The following CEMIP2 variants were observed in gnomAD, a reference collection of about 807,000 sequenced individuals.
CEMIP2 encodes the protein cell migration inducing hyaluronidase 2, also known as cell surface hyaluronidase CEMIP2.
In CEMIP2, 79 loss-of-function variants were observed where a neutral mutation model predicts 146.9. That is an observed-to-expected ratio of 0.54 (90% confidence interval 0.45 to 0.65). The LOEUF (loss-of-function observed/expected upper bound fraction) is 0.65, where lower values mean the gene tolerates loss of function less well. Among genes scored for constraint, CEMIP2 ranks in the 30% least tolerant of loss-of-function variants. The pLI is 0.00. For missense variants in CEMIP2, 1,596 were observed against 1,696.2 expected, an observed-to-expected ratio of 0.94 and a Z score of 1.04; for synonymous variants, 601 against 606.3, an observed-to-expected ratio of 0.99 and a Z score of 0.13.
At chr9:71,741,171 G>A (rs926508363) in intron 4 of CEMIP2, among the ~76,000 whole-genome samples, 9 of 144,754 alleles carry the variant, frequency 6.2e-5, no homozygotes, top group Admixed American at 1.4e-4. Flanking sequence ...AGGCAAGGTT[G>A]AGAACTGAGT....
rs773848769 is a variant in CEMIP2 at position 71,732,473 on chromosome 9, T to G, written c.1441A>C (p.Met481Leu). 30 of 1,613,832 alleles carry G rather than the reference T, an allele frequency of 1.9e-5. No individual in the cohort carries two copies. Among genetic ancestry groups the G allele is most frequent in the Non-Finnish European group, 2.5e-5 (29 of 1,179,992 alleles). ...HMGEIIDGVDMRAEVGILTRN... is the reference protein window; with the variant it reads ...HMGEIIDGVDLRAEVGILTRN... ...GTAAGAATTCCAACCTCAGCTCTCATGTCTACACCGTCTATGATCTCACCC... is the reference window on the plus strand; with the variant it reads ...GTAAGAATTCCAACCTCAGCTCTCAGGTCTACACCGTCTATGATCTCACCC... The change falls in exon 7 of 24, where the codon ATG becomes CTG. Residue 481 changes from methionine (M) to leucine (L), a missense_variant. Met to Leu is a conservative substitution (Grantham distance 15). Transcript: ENST00000377044.
At chr9:71,721,230 C>A (rs1823222349) in intron 12 of CEMIP2, among the ~76,000 whole-genome samples, 1 of 152,096 alleles carries the variant, frequency 6.6e-6, no homozygotes, top group Non-Finnish European at 1.5e-5. Flanking sequence ...TTATAATAAA[C>A]TCTTCAAAGC....
intron 11 of CEMIP2, among the ~76,000 whole-genome samples, chr9:71,723,295 A>G (rs1205372724): frequency 6.6e-6 from 1 of 152,080 alleles, no homozygotes; most frequent in Admixed American, 6.6e-5. Context: ...ATTGTAACCA[A>G]CTGCAAGTTA....
intron 1 of CEMIP2, among the ~76,000 whole-genome samples, chr9:71,764,960 AG>A (rs1824746313): frequency 6.7e-6 from 1 of 149,428 alleles, no homozygotes; most frequent in Non-Finnish European, 1.5e-5. Context: ...ATATTGAGAG[AG>A]AGGAAAACAG....
intron 10 of CEMIP2, among the ~76,000 whole-genome samples, chr9:71,727,471 T>C (rs1051023547): frequency 2.8e-4 from 43 of 152,296 alleles, no homozygotes; most frequent in Admixed American, 5.2e-4. Context: ...CCCTGTCAAA[T>C]AGAATCTTCA....
intron 1 of CEMIP2, among the ~76,000 whole-genome samples, chr9:71,767,223 A>G (rs1320520014): frequency 6.6e-6 from 1 of 152,180 alleles, no homozygotes; most frequent in Non-Finnish European, 1.5e-5. Flanking sequence ...GCCATTTCCA[A>G]CAGATTTGCC....
At chr9:71,686,122 G>T in intron 22 of CEMIP2, 1 of 319,998 alleles carries the variant, frequency 3.1e-6, no homozygotes, top group Admixed American at 4.5e-5. Context: ...CCTGGGCCAT[G>T]GATGGGTACC....
intron 18 of CEMIP2, 73 bp from the exon 19 acceptor site, chr9:71,700,897 A>G: frequency 1.5e-6 from 2 of 1,339,954 alleles, no homozygotes; most frequent in Non-Finnish European, 2.0e-6. Flanking sequence ...GCGTATGCAG[A>G]TAACTGTCCT....
chr9:71,719,397 A>G (rs1823164027), intron 12 of CEMIP2, among the ~76,000 whole-genome samples: 1 of 152,200 alleles, frequency 6.6e-6, no homozygotes, highest in South Asian at 2.1e-4. Flanking sequence ...CAGAATAGAG[A>G]GGAGGGCAAG....
chr9:71,733,066 C>T (rs538851469), intron 6 of CEMIP2, among the ~76,000 whole-genome samples: 2 of 152,116 alleles, frequency 1.3e-5, no homozygotes, highest in Non-Finnish European at 2.9e-5. Context: ...ATATGAAGAA[C>T]CAAATGCATA....
intron 11 of CEMIP2, among the ~76,000 whole-genome samples, chr9:71,723,437 C>A (rs1433338478): frequency 6.6e-6 from 1 of 151,122 alleles, no homozygotes; most frequent in African/African-American, 2.4e-5. Flanking sequence ...AGACTCATGG[C>A]CATACTAACA....
chr9:71,743,479 C>G (rs1337750759), intron 4 of CEMIP2, among the ~76,000 whole-genome samples: 1 of 152,130 alleles, frequency 6.6e-6, no homozygotes, highest in Non-Finnish European at 1.5e-5. Context: ...ACATGGAATT[C>G]CCTTGGTCTG....
chr9:71,702,276 A>AAC (rs1439234041), intron 18 of CEMIP2, among the ~76,000 whole-genome samples: 1 of 151,334 alleles, frequency 6.6e-6, no homozygotes, highest in Non-Finnish European at 1.5e-5. Flanking sequence ...AAAAAAAAAA[A>AAC]AAAATATTGT....
chr9:71,711,681 T>C (rs1822909601), intron 16 of CEMIP2, among the ~76,000 whole-genome samples: 1 of 152,166 alleles, frequency 6.6e-6, no homozygotes, highest in South Asian at 2.1e-4. Context: ...TCTTATTCTC[T>C]AGTCCCCCAG....
intron 20 of CEMIP2, among the ~76,000 whole-genome samples, chr9:71,695,825 C>T (rs560071045): frequency 6.6e-6 from 1 of 151,456 alleles, no homozygotes; most frequent in African/African-American, 2.4e-5. Context: ...ACAGTCAGAA[C>T]AAAAATTAGG....
intron 22 of CEMIP2, chr9:71,686,714 T>C (rs1187409195): frequency 6.6e-6 from 1 of 152,158 alleles, no homozygotes; most frequent in Non-Finnish European, 1.5e-5. Flanking sequence ...ATTACATACA[T>C]AGGATTGCAT....
intron 15 of CEMIP2, among the ~76,000 whole-genome samples, chr9:71,713,490 A>G (rs1822966520): frequency 6.6e-6 from 1 of 152,204 alleles, no homozygotes; most frequent in Non-Finnish European, 1.5e-5. Flanking sequence ...AAAACGGACT[A>G]ATACAAGTTG....
At chr9:71,720,748 G>T (rs1166870706) in intron 12 of CEMIP2, among the ~76,000 whole-genome samples, 2 of 152,116 alleles carry the variant, frequency 1.3e-5, no homozygotes, top group South Asian at 2.1e-4. Context: ...ATATATATGA[G>T]CATAGTCTAA....
chr9:71,760,080 T>C (rs1824585182), intron 1 of CEMIP2, among the ~76,000 whole-genome samples: 1 of 151,994 alleles, frequency 6.6e-6, no homozygotes, highest in Non-Finnish European at 1.5e-5. Flanking sequence ...TTGAAAGATT[T>C]ATTTTCCTGC....
Sources: gnomAD v4.1 joint callset for allele counts (sites outside exome capture counted in the v4.1 genomes callset) on GRCh38, gnomAD v4.1.1 for gene constraint, MANE v1.5 for transcripts, NCBI Gene and HGNC (gene_info 2026-07-23, HGNC 2026-07-21) for gene names.